Variants in ATM observed in about 807,000 individuals in gnomAD.
The protein encoded by ATM is ATM serine/threonine kinase.
A neutral mutation model predicts 387.0 loss-of-function variants in ATM; 308 were observed. The observed-to-expected ratio is 0.80, with a 90% CI of 0.73 to 0.87. The LOEUF is 0.87. Among genes scored for constraint, ATM ranks in the 40% least tolerant of loss-of-function variants. The pLI is 0.00. For synonymous variants in ATM, 1,156 were observed against 1,187.3 expected, an observed-to-expected ratio of 0.97 and a Z score of 0.54; for missense variants, 3,312 against 3,560.9, an observed-to-expected ratio of 0.93 and a Z score of 1.78.
chr11:108,224,471 G>C (rs2078641969), intron 1 of ATM: 2 of 152,220 alleles, frequency 1.3e-5, no homozygotes, highest in Admixed American at 6.5e-5. Flanking sequence ...GTGGAACCTA[G>C]ATATTCTGGA....
chr11:108,356,711 A>T (rs896233458), intron 61 of ATM, among the ~76,000 whole-genome samples: 1 of 152,126 alleles, frequency 6.6e-6, no homozygotes, highest in Non-Finnish European at 1.5e-5. Context: ...TCACCAGAAG[A>T]AGGTAGTTCT....
chr11:108,253,770 A>AT, intron 12 of ATM, 44 bp from the exon 13 acceptor site: 2 of 1,460,516 alleles, frequency 1.4e-6, no homozygotes, highest in Non-Finnish European at 1.9e-6. Context: ...AAGGCAAAGC[A>AT]TTAGGTACTT....
chr11:108,240,189 T>A (rs1341250465), intron 5 of ATM, among the ~76,000 whole-genome samples: 1 of 152,208 alleles, frequency 6.6e-6, no homozygotes, highest in Admixed American at 6.5e-5. Context: ...TTAAAGATCT[T>A]TTTCTGTATC....
intron 16 of ATM, among the ~76,000 whole-genome samples, chr11:108,264,068 A>G (rs2081070519): frequency 6.6e-6 from 1 of 151,372 alleles, no homozygotes; most frequent in South Asian, 2.1e-4. Flanking sequence ...AGGAACTGGT[A>G]CCATTCCTTC....
At chr11:108,238,146 C>T (rs566775444) in intron 5 of ATM, among the ~76,000 whole-genome samples, 32 of 152,052 alleles carry the variant, frequency 2.1e-4, no homozygotes, top group African/African-American at 7.2e-4. Context: ...AGGCTGGTCT[C>T]GAATTCCTGA....
intron 61 of ATM, among the ~76,000 whole-genome samples, chr11:108,357,089 C>T (rs1030079549): frequency 1.3e-5 from 2 of 152,248 alleles, no homozygotes; most frequent in African/African-American, 4.8e-5. Flanking sequence ...TGGGTGCACG[C>T]ACTGTGCGCG....
Position 108,268,440 on chromosome 11 carries a change from T to G in ATM, c.2669T>G (p.Leu890Arg), listed in dbSNP as rs1411479824. The change falls in exon 18 of 63, where the codon CTG (leucine) becomes CGG (arginine). Residue 890 changes from leucine (L) to arginine (R), a missense_variant. Physicochemically the swap from Leu to Arg is moderately radical, Grantham distance 102. Around this residue, in one of 4 missense-constraint regions of ATM, gnomAD observed 1,791 missense variants for 1,804.5 expected, o/e 0.99. Coordinates refer to ENST00000675843, the MANE Select transcript of ATM (RefSeq NM_000051.4). The stretch of plus-strand genomic sequence containing the variant: ...ATTAATCCTTTAGCTGAAGAATATC[T>G]GTCAAAGCAAGATCTACTTTTCTTA... The part of the protein sequence containing the change: ...GAINPLAEEY[L>R]SKQDLLFLDM... The G allele has an allele frequency of 6.2e-7, 1 of 1,614,000 alleles. No individual in the cohort carries two copies. Among genetic ancestry groups the G allele is most frequent in the Non-Finnish European group, 8.5e-7 (1 of 1,179,992 alleles).
chr11:108,295,083 C>T (rs768851051), intron 32 of ATM, 24 bp downstream of exon 32: 12 of 1,612,972 alleles, frequency 7.4e-6, no homozygotes, highest in Non-Finnish European at 9.3e-6. Flanking sequence ...ATGACATGGG[C>T]TATTTCTACC....
Position 108,251,068 on chromosome 11 carries a change from T to C in ATM, c.1603T>C (p.Ser535Pro). Residue 535 changes from serine (S) to proline (P), a missense_variant, in exon 10 of 63, where the codon TCA becomes CCA. By Grantham distance (74) the Ser-to-Pro change is moderately conservative (BLOSUM62 -1). Coordinates refer to ENST00000675843, the MANE Select transcript of ATM (RefSeq NM_000051.4). ...KLFTGSACRP[S>P]CPAVCCLTLA... ...ATTTACTGGGTCAGCCTGCAGACCT[T>C]CATGGTAAGTTCAGCATGCATTATG... is the stretch of plus-strand genomic sequence containing the variant. The C allele has an allele frequency of 6.2e-7, 1 of 1,614,048 alleles. No individual in the cohort carries two copies. Among genetic ancestry groups the C allele is most frequent in the Non-Finnish European group, 8.5e-7 (1 of 1,180,016 alleles).
Position 108,318,098 on chromosome 11 carries a change from A to C in ATM, c.6347+577A>C, listed in dbSNP as rs2084907073. Among the ~76,000 whole-genome samples, 3 of 152,250 alleles carry C rather than the reference A, an allele frequency of 2.0e-5. No individual in the cohort carries two copies. In the South Asian group the frequency reaches 6.2e-4, roughly 32 times the overall value. On this transcript the variant is annotated intron_variant, in intron 43 of 62. Coordinates refer to ENST00000675843, the MANE Select transcript of ATM (RefSeq NM_000051.4). ...ATAATACGGCCAGGCACGGTGGCTC[A>C]TGCCTATAATCCTAGCACTTTGGGA...
chr11:108,325,420 C>T lies in ATM; in HGVS notation c.6683C>T (p.Thr2228Ile), dbSNP rs2085565666. The T allele has an allele frequency of 1.2e-6, 2 of 1,613,690 alleles. No homozygotes were observed. Among genetic ancestry groups the T allele is most frequent in the East Asian group, 4.5e-5 (2 of 44,844 alleles). ...CAGGAGCCTATCATGGCTCTACGCA[C>T]AGTCATTTTGGAGATCCTGATGGAA... is the stretch of plus-strand genomic sequence containing the variant. Reference protein sequence around the residue: ...SFQEPIMALRTVILEILMEKE... With the variant: ...SFQEPIMALRIVILEILMEKE... The change falls in exon 46 of 63, where the codon ACA (threonine) becomes ATA (isoleucine). Residue 2228 changes from threonine to isoleucine, a missense_variant. Thr to Ile is a moderately conservative substitution (Grantham distance 89). Around this residue, in one of 4 missense-constraint regions of ATM, gnomAD observed 1,405 missense variants for 1,604.4 expected, o/e 0.88. Coordinates refer to ENST00000675843, the MANE Select transcript of ATM (RefSeq NM_000051.4).
At chr11:108,361,786 C>G (rs149854825) in intron 61 of ATM, among the ~76,000 whole-genome samples, 7,096 of 152,190 alleles carry the variant, frequency 0.047, 226 homozygotes, top group Non-Finnish European at 0.071. Context: ...ACACCTGATA[C>G]AAAAATTAAC....
chr11:108,317,638 TATATATATATATATACAC>T (rs2084828287), intron 43 of ATM, 117 bp downstream of exon 43: 4 of 176,210 alleles, frequency 2.3e-5, no homozygotes, highest in South Asian at 2.7e-4. Flanking sequence ...TATATATATA[TATATATATATATATACAC>T]ACACACACAC....
In ATM at chr11:108,316,093, C is replaced by A. The variant is rs587778078; in HGVS notation, c.6178C>A (p.Arg2060Ser). 3 of 1,613,924 alleles carry A rather than the reference C, an allele frequency of 1.9e-6. No homozygotes were observed. Among genetic ancestry groups the A allele is most frequent in the Non-Finnish European group, 2.5e-6 (3 of 1,179,966 alleles). The change falls in exon 42 of 63, where the codon CGC becomes AGC. Residue 2060 changes from arginine to serine, a missense_variant. Around this residue, in one of 4 missense-constraint regions of ATM, gnomAD observed 1,405 missense variants for 1,604.4 expected, o/e 0.88. Transcript: ENST00000675843. Reference protein sequence around the residue: ...DLETAIPSSTRQAGIIQALQN... With the variant: ...DLETAIPSSTSQAGIIQALQN... Reference sequence around the variant, plus strand: ...CGAAACAGCAATCCCCTCATCAACACGCCAGGCAGGAATCATTCAGGTACA... The same window carrying A: ...CGAAACAGCAATCCCCTCATCAACAAGCCAGGCAGGAATCATTCAGGTACA...
chr11:108,226,620 C>G (rs971259540), intron 1 of ATM: 1 of 152,140 alleles, frequency 6.6e-6, no homozygotes, highest in Non-Finnish European at 1.5e-5. Context: ...AGCTTACTAG[C>G]TCTGATAACC....
chr11:108,250,855 T>C lies in ATM; in HGVS notation c.1390T>C (p.Leu464=). 1 of 1,614,154 alleles carries C rather than the reference T, an allele frequency of 6.2e-7. No individual in the cohort carries two copies. Among genetic ancestry groups the C allele is most frequent in the South Asian group, 1.1e-5 (1 of 91,086 alleles). Reference sequence around the variant, plus strand: ...GTTACGATGCCTTACGGAAGTTGCATTGTGTCAAGACAAGAGGTCAAACCT... The same window carrying C: ...GTTACGATGCCTTACGGAAGTTGCACTGTGTCAAGACAAGAGGTCAAACCT... The part of the protein sequence containing the change: ...YVLRCLTEVA[L]CQDKRSNLES... Residue 464 remains leucine (L), a synonymous_variant, in exon 10 of 63, where the codon TTG becomes CTG. Transcript: ENST00000675843.
intron 61 of ATM, among the ~76,000 whole-genome samples, chr11:108,361,619 A>G (rs2090768827): frequency 1.3e-5 from 2 of 151,860 alleles, no homozygotes; most frequent in South Asian, 4.2e-4. Context: ...AATGGAACAG[A>G]ACAGAGCCCT....
rs542142618 is a variant in ATM, at chr11:108,259,707, T to C, written c.2466+632T>C. On this transcript the variant is annotated intron_variant, in intron 16 of 62. Coordinates refer to ENST00000675843, the MANE Select transcript of ATM (RefSeq NM_000051.4). Reference sequence around the variant, plus strand: ...AAAATTTAAAATAATTATTTGTTCTTTAAAAGTGACCAAAAATCTTGCCAG... The same window carrying C: ...AAAATTTAAAATAATTATTTGTTCTCTAAAAGTGACCAAAAATCTTGCCAG... 3.3e-5 allele frequency among the ~76,000 whole-genome samples: 5 copies of C among 152,296 alleles called. No homozygotes were observed. In the South Asian group the frequency reaches 1.0e-3, roughly 32 times the overall value.
intron 17 of ATM, among the ~76,000 whole-genome samples, chr11:108,267,729 C>T (rs953878187): frequency 2.6e-5 from 4 of 152,046 alleles, no homozygotes; most frequent in South Asian, 2.1e-4. Flanking sequence ...TGGTGGCGGG[C>T]GCCTGTAGTC....
Sources: allele counts gnomAD v4.1 joint callset (sites outside exome capture counted in the v4.1 genomes callset), GRCh38; gene constraint gnomAD v4.1.1; regional missense constraint gnomAD v4.1.1; transcripts MANE v1.5; gene names NCBI Gene and HGNC (gene_info 2026-07-23, HGNC 2026-07-21).